Variants in KCNK9 observed in about 807,000 individuals in gnomAD.
The protein encoded by KCNK9 is potassium two pore domain channel subfamily K member 9.
Under a neutral mutation model 10.8 loss-of-function variants are expected in KCNK9, and 1 was observed. The observed-to-expected ratio is 0.09, with a 90% CI of 0.03 to 0.44. The LOEUF is 0.44. Ranked by LOEUF, KCNK9 falls within the 20% of genes least tolerant of loss-of-function variation. The pLI is 0.97. For synonymous variants in KCNK9, 231 were observed against 222.7 expected, an observed-to-expected ratio of 1.04 and a Z score of -0.33; for missense variants, 303 against 515.0, an observed-to-expected ratio of 0.59 and a Z score of 3.98.
At chr8:139,635,919 T>A (rs1456557303) in intron 1 of KCNK9, among the ~76,000 whole-genome samples, 3 of 152,212 alleles carry the variant, frequency 2.0e-5, no homozygotes, top group Non-Finnish European at 2.9e-5. Flanking sequence ...ATATTGCCAA[T>A]AAAAATTCTT....
At chr8:139,679,655 C>T (rs1049437239) in intron 1 of KCNK9, among the ~76,000 whole-genome samples, 1 of 152,212 alleles carries the variant, frequency 6.6e-6, no homozygotes, top group African/African-American at 2.4e-5. Context: ...GGCTACAGAG[C>T]TTGCCCAAGG....
chr8:139,654,510 CCAGACAA>C (rs1451401326), intron 1 of KCNK9, among the ~76,000 whole-genome samples: 1 of 152,212 alleles, frequency 6.6e-6, no homozygotes, highest in Admixed American at 6.5e-5. Flanking sequence ...ATCCCCACAA[CCAGACAA>C]CAGACTTCTC....
At chr8:139,625,723 A>C in intron 1 of KCNK9, among the ~76,000 whole-genome samples, 1 of 136,122 alleles carries the variant, frequency 7.3e-6, no homozygotes, top group Admixed American at 6.9e-5. Flanking sequence ...CTAACAAAAC[A>C]GGAAAAAAAA....
intron 1 of KCNK9, among the ~76,000 whole-genome samples, chr8:139,639,767 G>T (rs1025276489): frequency 2.0e-5 from 3 of 152,190 alleles, no homozygotes; most frequent in African/African-American, 7.2e-5. Context: ...CAGGGACCAG[G>T]CTGAGGCCCC....
chr8:139,691,511 G>C (rs756788482), intron 1 of KCNK9, among the ~76,000 whole-genome samples: 4 of 152,104 alleles, frequency 2.6e-5, no homozygotes, highest in South Asian at 2.1e-4. Flanking sequence ...CCCCTGACCT[G>C]CTGATCCCAC....
At chr8:139,678,130 G>A (rs148383771) in intron 1 of KCNK9, among the ~76,000 whole-genome samples, 62 of 152,358 alleles carry the variant, frequency 4.1e-4, no homozygotes, top group African/African-American at 1.4e-3. Flanking sequence ...TGGCCCTGGA[G>A]GTGACTGGAC....
intron 1 of KCNK9, among the ~76,000 whole-genome samples, chr8:139,674,642 C>T (rs1816508649): frequency 6.6e-6 from 1 of 152,214 alleles, no homozygotes; most frequent in Non-Finnish European, 1.5e-5. Context: ...TGCCCTCATG[C>T]CTCTGCAGTG....
At chr8:139,620,078 G>C (rs1473934419) in intron 1 of KCNK9, among the ~76,000 whole-genome samples, 3 of 152,210 alleles carry the variant, frequency 2.0e-5, no homozygotes, top group African/African-American at 7.2e-5. Flanking sequence ...ATGTTGAATA[G>C]GTGAAGTCAG....
At chr8:139,668,524 C>T (rs146328586) in intron 1 of KCNK9, among the ~76,000 whole-genome samples, 5,870 of 151,398 alleles carry the variant, frequency 0.039, 230 homozygotes, top group African/African-American at 0.1. Context: ...CAGGTTCAAG[C>T]GATTATCCTG....
intron 1 of KCNK9, among the ~76,000 whole-genome samples, chr8:139,672,802 A>T (rs930761010): frequency 6.6e-6 from 1 of 152,268 alleles, no homozygotes; most frequent in East Asian, 1.9e-4. Flanking sequence ...GGTCACTTAC[A>T]TCCTAGGGTG....
downstream of KCNK9, chr8:139,612,639 C>A (rs898547053): frequency 3.3e-5 from 5 of 152,196 alleles, no homozygotes; most frequent in African/African-American, 1.2e-4. Context: ...GACCCAGCAT[C>A]CACGGACGCC....
intron 1 of KCNK9, among the ~76,000 whole-genome samples, chr8:139,643,404 C>A (rs958425131): frequency 6.6e-6 from 1 of 152,242 alleles, no homozygotes; most frequent in Non-Finnish European, 1.5e-5. Flanking sequence ...CCTCCCTCTC[C>A]CTTCAGGACT....
chr8:139,648,838 T>C (rs1011103379), intron 1 of KCNK9, among the ~76,000 whole-genome samples: 2 of 152,222 alleles, frequency 1.3e-5, no homozygotes, highest in South Asian at 4.1e-4. Context: ...GAGTGAAGCC[T>C]CTGGGCTGGA....
At chr8:139,647,827 G>A (rs1367520891) in intron 1 of KCNK9, among the ~76,000 whole-genome samples, 4 of 152,188 alleles carry the variant, frequency 2.6e-5, no homozygotes, top group African/African-American at 9.7e-5. Flanking sequence ...CCCCCTCTCA[G>A]GTGGCTACCC....
chr8:139,679,231 G>A (rs570269572), intron 1 of KCNK9, among the ~76,000 whole-genome samples: 19 of 152,306 alleles, frequency 1.2e-4, no homozygotes, highest in African/African-American at 4.1e-4. Context: ...GTGGGTTCCC[G>A]GAGAGCGCCT....
intron 1 of KCNK9, among the ~76,000 whole-genome samples, chr8:139,671,517 T>TC (rs1276336268): frequency 7.3e-6 from 1 of 137,810 alleles, no homozygotes; most frequent in African/African-American, 2.8e-5. Flanking sequence ...GTTTCTTTTT[T>TC]TTTTTTTTTT....
At chr8:139,687,276 G>A (rs1816809850) in intron 1 of KCNK9, among the ~76,000 whole-genome samples, 1 of 150,668 alleles carries the variant, frequency 6.6e-6, no homozygotes, top group African/African-American at 2.4e-5. Context: ...CATGACAGGA[G>A]GCTTCTACTT....
At chr8:139,607,414 A>C (rs1313408825) in intron 2 of KCNK9, among the ~76,000 whole-genome samples, 1 of 152,220 alleles carries the variant, frequency 6.6e-6, no homozygotes, top group African/African-American at 2.4e-5. Context: ...AAACGGCTGA[A>C]TCGGCAGCCC....
chr8:139,609,798 G>T (rs923089710), downstream of KCNK9, among the ~76,000 whole-genome samples: 5 of 152,054 alleles, frequency 3.3e-5, no homozygotes, highest in African/African-American at 9.7e-5. Context: ...GGTGGAGGGG[G>T]GATATTTTCC....
Sources: gnomAD v4.1 joint callset for allele counts (sites outside exome capture counted in the v4.1 genomes callset) on GRCh38, gnomAD v4.1.1 for gene constraint, MANE v1.5 for transcripts, NCBI Gene and HGNC (gene_info 2026-07-23, HGNC 2026-07-21) for gene names.